Variants in H2AC16 observed in about 807,000 individuals in gnomAD.
The protein encoded by H2AC16 is histone H2A type 1.
Under a neutral mutation model 6.6 loss-of-function variants are expected in H2AC16, and 11 were observed. That is an observed-to-expected ratio of 1.67 (90% confidence interval 1.05 to 2.77). H2AC16 has a LOEUF of 2.77. H2AC16 is among the 30% of genes most tolerant of loss of function. H2AC16 has a pLI of 0.00. For synonymous variants in H2AC16, 131 were observed against 80.8 expected, an observed-to-expected ratio of 1.62 and a Z score of -3.33; for missense variants, 212 against 177.1, an observed-to-expected ratio of 1.20 and a Z score of -1.12.
Position 27,865,548 on chromosome 6 carries a change from A to G in H2AC16, c.194A>G (p.Glu65Gly), listed in dbSNP as rs899338679. 6.2e-7 allele frequency: 1 copy of G among 1,614,056 alleles called. No homozygotes were observed. The highest frequency in any genetic ancestry group is 1.3e-5 in the African/African-American group (1 of 74,922). The change falls in exon 1 of 1, where the codon GAG (glutamate) becomes GGG (glycine). Residue 65 changes from glutamate to glycine, a missense_variant. Transcript: ENST00000613174. ...VLEYLTAEIL[E>G]LAGNAARDNK... The stretch of plus-strand genomic sequence containing the variant: ...GAGTACCTGACTGCCGAGATCCTGG[A>G]GCTGGCGGGCAACGCCGCCCGCGAC...
rs1761480587 is a variant in H2AC16, at chr6:27,865,516, G to C, written c.162G>C (p.Ala54=). Residue 54 remains alanine (A), a synonymous_variant, in exon 1 of 1, where the codon GCG becomes GCC. Transcript: ENST00000613174. ...VGAGAPVYLA[A]VLEYLTAEIL... ...CCGGCGCGCCGGTGTACCTGGCGGC[G>C]GTGCTGGAGTACCTGACTGCCGAGA... 1 of 1,613,994 alleles carries C rather than the reference G, an allele frequency of 6.2e-7. No individual in the cohort carries two copies. Among genetic ancestry groups the C allele is most frequent in the Admixed American group, 1.7e-5 (1 of 60,008 alleles).
rs755534499 is a variant in H2AC16 at position 27,865,420 on chromosome 6, CG to C, written c.68del (p.Gly23ValfsTer37). The C allele has an allele frequency of 1.2e-6, 2 of 1,613,742 alleles. No individual in the cohort carries two copies. The highest frequency in any genetic ancestry group is 1.7e-6 in the Non-Finnish European group (2 of 1,179,730). ...AKAKTRSSRA[G>X]LQFPVGRVHR... is the part of the protein sequence containing the mutation. ...AAGCCAAGACCCGCTCTTCTCGTGC[CG>C]GTCTCCAGTTCCCCGTGGGCCGAGT... On this transcript the variant is annotated frameshift_variant, in exon 1 of 1. Transcript: ENST00000613174. LOFTEE classifies it high-confidence loss of function.
At position 27,865,690 on chromosome 6, in the gene H2AC16, C is replaced by A. The variant is rs762266017; in HGVS notation, c.336C>A (p.Ile112=). The A allele has an allele frequency of 1.9e-6, 3 of 1,614,254 alleles. No homozygotes were observed. The highest frequency in any genetic ancestry group is 2.5e-6 in the Non-Finnish European group (3 of 1,180,050). Residue 112 remains isoleucine (I), a synonymous_variant, in exon 1 of 1, where the codon ATC becomes ATA. Coordinates refer to ENST00000613174, the MANE Select transcript of H2AC16 (RefSeq NM_003511.3). ...TIAQGGVLPN[I]QAVLLPKKTE... ...CTCAGGGTGGTGTCCTGCCCAACATCCAGGCTGTGCTACTGCCCAAGAAGA... is the reference window on the plus strand; with the variant it reads ...CTCAGGGTGGTGTCCTGCCCAACATACAGGCTGTGCTACTGCCCAAGAAGA...
At position 27,865,646 on chromosome 6, in the gene H2AC16, C is replaced by A; in HGVS notation, c.292C>A (p.Leu98Met). The A allele has an allele frequency of 6.2e-7, 1 of 1,614,256 alleles. No homozygotes were observed. The highest frequency in any genetic ancestry group is 8.5e-7 in the Non-Finnish European group (1 of 1,180,042). Residue 98 changes from leucine (L) to methionine (M), a missense_variant, in exon 1 of 1, where the codon CTG (leucine) becomes ATG (methionine). Transcript: ENST00000613174. ...IRNDEELNKL[L>M]GKVTIAQGGV... is the part of the protein sequence containing the mutation. ...CAACGACGAGGAGCTCAACAAGCTG[C>A]TGGGCAAAGTAACCATCGCTCAGGG... is the stretch of plus-strand genomic sequence containing the variant.
In H2AC16 at chr6:27,865,567, C is replaced by T. The variant is rs1761482355; in HGVS notation, c.213C>T (p.Ala71=). 1 of 1,614,216 alleles carries T rather than the reference C, an allele frequency of 6.2e-7. No individual in the cohort carries two copies. The highest frequency in any genetic ancestry group is 8.5e-7 in the Non-Finnish European group (1 of 1,180,048). Residue 71 remains alanine, a synonymous_variant, in exon 1 of 1, where the codon GCC becomes GCT. Transcript: ENST00000613174. ...TCCTGGAGCTGGCGGGCAACGCCGC[C>T]CGCGACAACAAGAAGACCCGCATTA... The part of the protein sequence containing the change: ...AEILELAGNA[A]RDNKKTRIIP...
In H2AC16 at chr6:27,865,344, G is replaced by T. The variant is rs1761471420; in HGVS notation, c.-11G>T. On this transcript the variant is annotated 5_prime_UTR_variant, in exon 1 of 1. Transcript: ENST00000613174. ...GCTGTTCTCAGTTCCTCCATTTATC[G>T]TTTCTTCGTCATGTCGGGACGCGGC... 1 of 1,597,244 alleles carries T rather than the reference G, an allele frequency of 6.3e-7. No homozygotes were observed. The highest frequency in any genetic ancestry group is 1.3e-5 in the African/African-American group (1 of 74,440).
chr6:27,865,492 C>T lies in H2AC16; in HGVS notation c.138C>T (p.Ala46=), dbSNP rs561805457. ...RKGNYAERVG[A]GAPVYLAAVL... is the part of the protein sequence containing the mutation. Reference sequence around the variant, plus strand: ...GCAACTATGCTGAGCGGGTCGGGGCCGGCGCGCCGGTGTACCTGGCGGCGG... The same window carrying T: ...GCAACTATGCTGAGCGGGTCGGGGCTGGCGCGCCGGTGTACCTGGCGGCGG... The change falls in exon 1 of 1, where the codon GCC becomes GCT. Residue 46 remains alanine (A), a synonymous_variant. Coordinates refer to ENST00000613174, the MANE Select transcript of H2AC16 (RefSeq NM_003511.3). 8 of 1,613,980 alleles carry T rather than the reference C, an allele frequency of 5.0e-6. No homozygotes were observed. The highest frequency in any genetic ancestry group is 2.2e-5 in the South Asian group (2 of 91,072).
At position 27,865,557 on chromosome 6, in the gene H2AC16, G is replaced by A. The variant is rs756893472; in HGVS notation, c.203G>A (p.Gly68Asp). Residue 68 changes from glycine to aspartate, a missense_variant, in exon 1 of 1, where the codon GGC (glycine) becomes GAC (aspartate). Transcript: ENST00000613174. The part of the protein sequence containing the change: ...YLTAEILELA[G>D]NAARDNKKTR... ...ACTGCCGAGATCCTGGAGCTGGCGG[G>A]CAACGCCGCCCGCGACAACAAGAAG... The A allele has an allele frequency of 2.5e-6, 4 of 1,614,098 alleles. No homozygotes were observed. Among genetic ancestry groups the A allele is most frequent in the African/African-American group, 1.3e-5 (1 of 74,942 alleles).
In H2AC16 at chr6:27,865,608, A is replaced by C. The variant is rs1276644556; in HGVS notation, c.254A>C (p.Gln85Pro). The change falls in exon 1 of 1, where the codon CAG becomes CCG. Residue 85 changes from glutamine (Q) to proline (P), a missense_variant. By Grantham distance (76) the Gln-to-Pro change is moderately conservative. Transcript: ENST00000613174. ...ACCCGCATTATCCCGCGCCACTTGCAGCTGGCCATCCGCAACGACGAGGAG... is the reference window on the plus strand; with the variant it reads ...ACCCGCATTATCCCGCGCCACTTGCCGCTGGCCATCCGCAACGACGAGGAG... The part of the protein sequence containing the change: ...KKTRIIPRHL[Q>P]LAIRNDEELN... 3 of 1,614,250 alleles carry C rather than the reference A, an allele frequency of 1.9e-6. No homozygotes were observed. The Admixed American group carries it at 5.0e-5, about 27-fold the overall frequency.
Position 27,865,607 on chromosome 6 carries a change from C to T in H2AC16, c.253C>T (p.Gln85Ter). Reference sequence around the variant, plus strand: ...GACCCGCATTATCCCGCGCCACTTGCAGCTGGCCATCCGCAACGACGAGGA... The same window carrying T: ...GACCCGCATTATCCCGCGCCACTTGTAGCTGGCCATCCGCAACGACGAGGA... ...KKTRIIPRHLQLAIRNDEELN... is the reference protein window; with the variant it reads ...KKTRIIPRHL The change falls in exon 1 of 1, where the codon CAG (glutamine) becomes TAG (stop). Residue 85 changes from glutamine (Q) to a stop codon, truncating the protein, a stop_gained. Transcript: ENST00000613174. LOFTEE classifies it high-confidence loss of function. 1 of 1,614,250 alleles carries T rather than the reference C, an allele frequency of 6.2e-7. No homozygotes were observed. Among genetic ancestry groups the T allele is most frequent in the Middle Eastern group, 1.7e-4 (1 of 6,060 alleles).
Position 27,865,427 on chromosome 6 carries a change from C to T in H2AC16, c.73C>T (p.Gln25Ter). Residue 25 changes from glutamine (Q) to a stop codon, truncating the protein, a stop_gained, in exon 1 of 1, where the codon CAG (glutamine) becomes TAG (stop). Transcript: ENST00000613174. LOFTEE classifies it high-confidence loss of function. ...GACCCGCTCTTCTCGTGCCGGTCTC[C>T]AGTTCCCCGTGGGCCGAGTGCACCG... The part of the protein sequence containing the change: ...AKTRSSRAGL[Q>*]FPVGRVHRLL... The T allele has an allele frequency of 2.5e-6, 4 of 1,613,992 alleles. No homozygotes were observed. Among genetic ancestry groups the T allele is most frequent in the Non-Finnish European group, 3.4e-6 (4 of 1,179,900 alleles).
Position 27,865,416 on chromosome 6 carries a change from G to T in H2AC16, c.62G>T (p.Arg21Leu), listed in dbSNP as rs747004657. The change falls in exon 1 of 1, where the codon CGT becomes CTT. Residue 21 changes from arginine to leucine, a missense_variant. Transcript: ENST00000613174. ...GCCAAAGCCAAGACCCGCTCTTCTC[G>T]TGCCGGTCTCCAGTTCCCCGTGGGC... is the stretch of plus-strand genomic sequence containing the variant. ...ARAKAKTRSS[R>L]AGLQFPVGRV... 1.8e-5 allele frequency: 29 copies of T among 1,613,510 alleles called. No individual in the cohort carries two copies. Among genetic ancestry groups the T allele is most frequent in the Non-Finnish European group, 2.3e-5 (27 of 1,179,706 alleles).
rs779790992 is a variant in H2AC16 at position 27,865,525 on chromosome 6, G to C, written c.171G>C (p.Glu57Asp). The change falls in exon 1 of 1, where the codon GAG (glutamate) becomes GAC (aspartate). Residue 57 changes from glutamate (E) to aspartate (D), a missense_variant. Transcript: ENST00000613174. ...CGGTGTACCTGGCGGCGGTGCTGGA[G>C]TACCTGACTGCCGAGATCCTGGAGC... Reference protein sequence around the residue: ...GAPVYLAAVLEYLTAEILELA... With the variant: ...GAPVYLAAVLDYLTAEILELA... 1.2e-6 allele frequency: 2 copies of C among 1,614,074 alleles called. No homozygotes were observed. The highest frequency in any genetic ancestry group is 1.7e-6 in the Non-Finnish European group (2 of 1,180,052).
rs1186758835 is a variant in H2AC16, at chr6:27,865,748, T to C, written c.*1T>C. On this transcript the variant is annotated 3_prime_UTR_variant, in exon 1 of 1. Transcript: ENST00000613174. ...TCACCACAAGGCCAAAGGCAAATAA[T>C]GTCTCCATAGAATCACTTTCCAATA... 3 of 1,613,406 alleles carry C rather than the reference T, an allele frequency of 1.9e-6. No individual in the cohort carries two copies. Among genetic ancestry groups the C allele is most frequent in the Non-Finnish European group, 2.5e-6 (3 of 1,179,500 alleles).
Position 27,865,484 on chromosome 6 carries a change from G to T in H2AC16, c.130G>T (p.Val44Phe), listed in dbSNP as rs745790671. ...CCGCAAGGGCAACTATGCTGAGCGG[G>T]TCGGGGCCGGCGCGCCGGTGTACCT... ...LLRKGNYAER[V>F]GAGAPVYLAA... Residue 44 changes from valine to phenylalanine, a missense_variant, in exon 1 of 1, where the codon GTC becomes TTC. Physicochemically the swap from Val to Phe is conservative, Grantham distance 50. Transcript: ENST00000613174. 3.0e-5 allele frequency: 48 copies of T among 1,613,872 alleles called. No individual in the cohort carries two copies. The highest frequency in any genetic ancestry group is 1.7e-5 in the Admixed American group (1 of 60,002).
In H2AC16 at chr6:27,865,672, T is replaced by C; in HGVS notation, c.318T>C (p.Gly106=). The C allele has an allele frequency of 6.2e-7, 1 of 1,614,112 alleles. No homozygotes were observed. The highest frequency in any genetic ancestry group is 8.5e-7 in the Non-Finnish European group (1 of 1,180,024). The change falls in exon 1 of 1, where the codon GGT becomes GGC. Residue 106 remains glycine (G), a synonymous_variant. Coordinates refer to ENST00000613174, the MANE Select transcript of H2AC16 (RefSeq NM_003511.3). ...TGGGCAAAGTAACCATCGCTCAGGGTGGTGTCCTGCCCAACATCCAGGCTG... is the reference window on the plus strand; with the variant it reads ...TGGGCAAAGTAACCATCGCTCAGGGCGGTGTCCTGCCCAACATCCAGGCTG... ...KLLGKVTIAQ[G]GVLPNIQAVL...
At position 27,865,518 on chromosome 6, in the gene H2AC16, T is replaced by A; in HGVS notation, c.164T>A (p.Val55Glu). Residue 55 changes from valine to glutamate, a missense_variant, in exon 1 of 1, where the codon GTG becomes GAG. By Grantham distance (121) the Val-to-Glu change is moderately radical. Transcript: ENST00000613174. ...GAGAPVYLAA[V>E]LEYLTAEILE... ...GGCGCGCCGGTGTACCTGGCGGCGGTGCTGGAGTACCTGACTGCCGAGATC... is the reference window on the plus strand; with the variant it reads ...GGCGCGCCGGTGTACCTGGCGGCGGAGCTGGAGTACCTGACTGCCGAGATC... 6.2e-7 allele frequency: 1 copy of A among 1,614,056 alleles called. No individual in the cohort carries two copies. Among genetic ancestry groups the A allele is most frequent in the Admixed American group, 1.7e-5 (1 of 60,016 alleles).
rs1224397732 is a variant in H2AC16 at position 27,865,645 on chromosome 6, G to C, written c.291G>C (p.Leu97=). The part of the protein sequence containing the change: ...AIRNDEELNK[L]LGKVTIAQGG... ...GCAACGACGAGGAGCTCAACAAGCT[G>C]CTGGGCAAAGTAACCATCGCTCAGG... Residue 97 remains leucine, a synonymous_variant, in exon 1 of 1, where the codon CTG becomes CTC. Transcript: ENST00000613174. 1 of 1,614,252 alleles carries C rather than the reference G, an allele frequency of 6.2e-7. No homozygotes were observed. Among genetic ancestry groups the C allele is most frequent in the Admixed American group, 1.7e-5 (1 of 60,034 alleles).
rs1260305444 is a variant in H2AC16 at position 27,865,520 on chromosome 6, C to T, written c.166C>T (p.Leu56=). 12 of 1,614,168 alleles carry T rather than the reference C, an allele frequency of 7.4e-6. No homozygotes were observed. In the South Asian group the frequency reaches 1.1e-4, roughly 15 times the overall value. Residue 56 remains leucine (L), a synonymous_variant, in exon 1 of 1, where the codon CTG becomes TTG. Coordinates refer to ENST00000613174, the MANE Select transcript of H2AC16 (RefSeq NM_003511.3). ...CGCGCCGGTGTACCTGGCGGCGGTG[C>T]TGGAGTACCTGACTGCCGAGATCCT... is the stretch of plus-strand genomic sequence containing the variant. ...AGAPVYLAAV[L]EYLTAEILEL...
Sources: allele counts gnomAD v4.1 joint callset, GRCh38; gene constraint gnomAD v4.1.1; transcripts MANE v1.5; gene names NCBI Gene and HGNC (gene_info 2026-07-23, HGNC 2026-07-21).